Variants in C5 observed in about 807,000 individuals in gnomAD.
C5 encodes the protein C3 and PZP-like alpha-2-macroglobulin domain-containing protein 4.
A neutral mutation model predicts 218.8 loss-of-function variants in C5; 140 were observed. That is an observed-to-expected ratio of 0.64 (90% CI 0.56 to 0.74). C5 has a LOEUF of 0.74. Among genes scored for constraint, C5 ranks in the 30% least tolerant of loss-of-function variants. The pLI is 0.00. For synonymous variants in C5, 614 were observed against 682.3 expected (o/e 0.90, Z 1.56); for missense variants, 1,700 against 1,969.6 (o/e 0.86, Z 2.59).
At chr9:120,968,018 G>C (rs964457124) in intron 33 of C5, among the ~76,000 whole-genome samples, 1 of 151,976 alleles carries the variant, frequency 6.6e-6, no homozygotes, top group Non-Finnish European at 1.5e-5. Flanking sequence ...CACTGTACCC[G>C]GCAAAAAACC....
chr9:121,031,119 A>G (rs532121377), intron 6 of C5, among the ~76,000 whole-genome samples: 71 of 152,196 alleles, frequency 4.7e-4, no homozygotes, highest in African/African-American at 1.7e-3. Context: ...TTGTGTCAGT[A>G]TTTATTCTTC....
At chr9:121,027,014 C>A in intron 8 of C5, 146 bp downstream of exon 8, 1 of 666,576 alleles carries the variant, frequency 1.5e-6, no homozygotes, top group South Asian at 1.7e-5. Context: ...TGAACTTTAC[C>A]CTAAAGGCAA....
chr9:120,954,368 C>T (rs1211732001), intron 39 of C5, among the ~76,000 whole-genome samples: 1 of 152,170 alleles, frequency 6.6e-6, no homozygotes, highest in African/African-American at 2.4e-5. Flanking sequence ...ATGTGAAAGA[C>T]TTGGAAAACT....
intron 21 of C5, among the ~76,000 whole-genome samples, chr9:120,996,822 A>G (rs2047119926): frequency 6.6e-6 from 1 of 152,356 alleles, no homozygotes; most frequent in East Asian, 1.9e-4. Flanking sequence ...AAGAGCCAGG[A>G]AATCCAGTCT....
chr9:121,002,290 G>A (rs12003758), intron 20 of C5, among the ~76,000 whole-genome samples: 16 of 101,248 alleles, frequency 1.6e-4, no homozygotes, highest in Non-Finnish European at 2.5e-4. Context: ...ACGTATATAT[G>A]TATATATGTA....
intron 24 of C5, 61 bp from the exon 25 acceptor site, chr9:120,989,182 A>T: frequency 7.7e-7 from 1 of 1,295,640 alleles, no homozygotes; most frequent in Non-Finnish European, 1.1e-6. Context: ...CTCAAAGAAC[A>T]CTTTATCAGG....
intron 28 of C5, 142 bp downstream of exon 28, chr9:120,979,939 CAT>C (rs1320971242): frequency 1.4e-6 from 1 of 713,030 alleles, no homozygotes; most frequent in East Asian, 2.6e-5. Flanking sequence ...TAACGGCACA[CAT>C]TACATCGTAT....
At chr9:121,020,635 T>C (rs1405291938) in intron 11 of C5, among the ~76,000 whole-genome samples, 1 of 152,120 alleles carries the variant, frequency 6.6e-6, no homozygotes, top group Non-Finnish European at 1.5e-5. Flanking sequence ...CATTGTGAAG[T>C]AGAGGCACAG....
At chr9:120,998,493 C>T (rs2047136118) in intron 20 of C5, among the ~76,000 whole-genome samples, 2 of 152,192 alleles carry the variant, frequency 1.3e-5, no homozygotes, top group South Asian at 4.1e-4. Flanking sequence ...CTCTGGTATT[C>T]AGTAAATGAT....
At chr9:121,039,163 T>C (rs1445171436) in intron 3 of C5, among the ~76,000 whole-genome samples, 1 of 152,204 alleles carries the variant, frequency 6.6e-6, no homozygotes, top group African/African-American at 2.4e-5. Flanking sequence ...AATTAAATAA[T>C]GCAAAGCTTT....
chr9:121,025,697 G>T, intron 8 of C5, 117 bp from the exon 9 acceptor site: 2 of 959,904 alleles, frequency 2.1e-6, no homozygotes, highest in Non-Finnish European at 3.3e-6. Flanking sequence ...GAATGGTTTA[G>T]TGTCAAAAGT....
intron 33 of C5, among the ~76,000 whole-genome samples, chr9:120,965,108 T>C (rs540544762): frequency 6.6e-6 from 1 of 152,254 alleles, no homozygotes; most frequent in South Asian, 2.1e-4. Flanking sequence ...GACAGCTTCA[T>C]AAGGGGTAAA....
rs1311125329 is a variant in C5, at chr9:121,020,068, T to G, written c.1414A>C (p.Asn472His). 6.2e-7 allele frequency: 1 copy of G among 1,613,296 alleles called. No individual in the cohort carries two copies. The highest frequency in any genetic ancestry group is 8.5e-7 in the Non-Finnish European group (1 of 1,179,360). ...TCTCCCACTAGCAAAGCCTTATGGTTATCAGTCCAATCAATATAAAGGTAA... is the reference window on the plus strand; with the variant it reads ...TCTCCCACTAGCAAAGCCTTATGGTGATCAGTCCAATCAATATAAAGGTAA... Reference protein sequence around the residue: ...QSYLYIDWTDNHKALLVGEHL... With the variant: ...QSYLYIDWTDHHKALLVGEHL... Residue 472 changes from asparagine to histidine, a missense_variant, in exon 12 of 41, where the codon AAC (asparagine) becomes CAC (histidine). Transcript: ENST00000223642.
At chr9:120,959,557 G>A (rs953843816) in intron 38 of C5, among the ~76,000 whole-genome samples, 3 of 152,020 alleles carry the variant, frequency 2.0e-5, no homozygotes, top group African/African-American at 4.8e-5. Context: ...CACTGCGCCC[G>A]GCTCCACCCT....
chr9:120,997,435 CCTTAATG>C (rs1159655321), intron 21 of C5, 105 bp downstream of exon 21: 1 of 848,862 alleles, frequency 1.2e-6, no homozygotes, highest in East Asian at 2.7e-5. Flanking sequence ...CATCCAGTTT[CCTTAATG>C]CTTAATGTTT....
upstream of C5, among the ~76,000 whole-genome samples, chr9:121,051,417 C>T (rs1056111835): frequency 1.3e-5 from 2 of 152,012 alleles, no homozygotes; most frequent in Non-Finnish European, 2.9e-5. Context: ...AGCCACTGTG[C>T]CTGGCTGATT....
chr9:121,021,493 G>A lies in C5; in HGVS notation c.1302+16C>T. 1 of 1,602,834 alleles carries A rather than the reference G, an allele frequency of 6.2e-7. No homozygotes were observed. The highest frequency in any genetic ancestry group is 1.7e-4 in the Middle Eastern group (1 of 6,044). On this transcript the variant is annotated intron_variant, in intron 11 of 40. Coordinates refer to ENST00000223642, the MANE Select transcript of C5 (RefSeq NM_001735.3). ...ACACATTGTCCTAGAAAATACAACA[G>A]GAGAATTCAGCTCACATTAAACTCC...
intron 33 of C5, among the ~76,000 whole-genome samples, chr9:120,967,449 T>C (rs181829218): frequency 6.6e-6 from 1 of 152,264 alleles, no homozygotes; most frequent in Non-Finnish European, 1.5e-5. Flanking sequence ...TCAGCTCTCA[T>C]CTTTTGCACA....
intron 39 of C5, among the ~76,000 whole-genome samples, chr9:120,954,394 T>C (rs2046769930): frequency 6.6e-6 from 1 of 152,218 alleles, no homozygotes; most frequent in African/African-American, 2.4e-5. Flanking sequence ...GATAGTAATT[T>C]TGGGATTCTC....
Sources: allele counts gnomAD v4.1 joint callset (sites outside exome capture counted in the v4.1 genomes callset), GRCh38; gene constraint gnomAD v4.1.1; transcripts MANE v1.5; gene names NCBI Gene and HGNC (gene_info 2026-07-23, HGNC 2026-07-21).